TAFA5: variants seen among roughly 807,000 people sequenced by gnomAD.
The protein encoded by TAFA5 is chemokine-like protein TAFA-5.
Under a neutral mutation model 15.3 loss-of-function variants are expected in TAFA5, and 6 were observed. The observed-to-expected ratio is 0.39, with a 90% CI of 0.21 to 0.77. The LOEUF (loss-of-function observed/expected upper bound fraction) is 0.77. TAFA5 is among the 30% of genes least tolerant of loss of function. The pLI is 0.41. For missense variants in TAFA5, 161 were observed against 193.1 expected, an observed-to-expected ratio of 0.83 and a Z score of 0.98; for synonymous variants, 103 against 80.7, an observed-to-expected ratio of 1.28 and a Z score of -1.48.
rs141943386 is a variant in TAFA5, at chr22:48,677,776, G to A, written c.263-29941G>A. 2.2e-3 allele frequency among the ~76,000 whole-genome samples: 337 copies of A among 152,246 alleles called. 1 individual carries two copies. Among genetic ancestry groups the A allele is most frequent in the African/African-American group, 7.3e-3 (304 of 41,554 alleles). On this transcript the variant is annotated intron_variant, in intron 2 of 3. Transcript: ENST00000402357. ...GAGAGTCAGGTCGGGCGGGCGTGGC[G>A]TCCCCCTCCTGGATGACAGGCCACC... is the stretch of plus-strand genomic sequence containing the variant.
intron 3 of TAFA5, among the ~76,000 whole-genome samples, chr22:48,732,534 C>T (rs1929897888): frequency 1.3e-5 from 2 of 152,156 alleles, no homozygotes; most frequent in South Asian, 2.1e-4. Flanking sequence ...GGATTACAGG[C>T]GTGAGCCACC....
intron 2 of TAFA5, among the ~76,000 whole-genome samples, chr22:48,703,136 A>G (rs1361280599): frequency 6.6e-6 from 1 of 152,014 alleles, no homozygotes; most frequent in Non-Finnish European, 1.5e-5. Flanking sequence ...GTGAGCATGC[A>G]TGTAAATGGG....
At chr22:48,556,744 G>A (rs16999430) in intron 1 of TAFA5, among the ~76,000 whole-genome samples, 2,486 of 152,266 alleles carry the variant, frequency 0.016, 74 homozygotes, top group African/African-American at 0.058. Flanking sequence ...GGGTCCCCTC[G>A]AGGCTGTTCT....
rs1389390631 is a variant in TAFA5, at chr22:48,624,629, CT to C, written c.113-21967del. Among the ~76,000 whole-genome samples, 9 of 152,212 alleles carry C rather than the reference CT, an allele frequency of 5.9e-5. No homozygotes were observed. The South Asian group carries it at 1.0e-3, about 17-fold the overall frequency. ...TTAGCTCTGGCCATGGGCGCTCCCC[CT>C]GGCACTCGTGGGCTCCGTTGGCACA... On this transcript the variant is annotated intron_variant, in intron 1 of 3. Transcript: ENST00000402357.
chr22:48,506,303 C>A (rs955068275), intron 1 of TAFA5, among the ~76,000 whole-genome samples: 1 of 152,242 alleles, frequency 6.6e-6, no homozygotes, highest in Admixed American at 6.5e-5. Flanking sequence ...CTTTTCCCAG[C>A]CGGGAACATG....
intron 1 of TAFA5, among the ~76,000 whole-genome samples, chr22:48,606,731 G>A (rs554012730): frequency 4.6e-5 from 7 of 152,188 alleles, no homozygotes; most frequent in South Asian, 2.1e-4. Flanking sequence ...TAGGAGTGCC[G>A]CGTGTTTCCC....
At chr22:48,658,718 C>T (rs1428246108) in intron 2 of TAFA5, among the ~76,000 whole-genome samples, 1 of 152,244 alleles carries the variant, frequency 6.6e-6, no homozygotes, top group East Asian at 1.9e-4. Context: ...TTCAGTGCTG[C>T]AGAGAACGTC....
chr22:48,533,289 A>G (rs1922035581), intron 1 of TAFA5, among the ~76,000 whole-genome samples: 1 of 152,174 alleles, frequency 6.6e-6, no homozygotes, highest in South Asian at 2.1e-4. Context: ...GGAGGGGTGC[A>G]GCCGTCAAAC....
At chr22:48,564,214 C>A (rs920610024) in intron 1 of TAFA5, among the ~76,000 whole-genome samples, 2 of 152,218 alleles carry the variant, frequency 1.3e-5, no homozygotes, top group African/African-American at 2.4e-5. Flanking sequence ...CGTTACTCAG[C>A]GCCCGCAGCC....
rs747488690 is a variant in TAFA5, at chr22:48,646,772, C to G, written c.262+26C>G. 9.7e-6 allele frequency: 15 copies of G among 1,547,218 alleles called. No homozygotes were observed. In the East Asian group the frequency reaches 3.1e-4, roughly 32 times the overall value. ...GTAAGCACCCGTGGCCCCAGGACCC[C>G]TCCGGGTGCTGAGCGCGGCGTCACC... On this transcript the variant is annotated intron_variant, in intron 2 of 3. Transcript: ENST00000402357.
intron 2 of TAFA5, among the ~76,000 whole-genome samples, chr22:48,699,462 G>A (rs1474967496): frequency 1.3e-5 from 2 of 152,156 alleles, no homozygotes; most frequent in Non-Finnish European, 2.9e-5. Context: ...CGGTGACAGG[G>A]CACTGGCAGT....
At chr22:48,578,764 T>G (rs1398264640) in intron 1 of TAFA5, among the ~76,000 whole-genome samples, 2 of 152,164 alleles carry the variant, frequency 1.3e-5, no homozygotes, top group Non-Finnish European at 2.9e-5. Context: ...GGTCAGGACT[T>G]GGGCAGCCTC....
chr22:48,693,990 C>T (rs900447558), intron 2 of TAFA5, among the ~76,000 whole-genome samples: 9 of 152,178 alleles, frequency 5.9e-5, no homozygotes, highest in African/African-American at 1.7e-4. Flanking sequence ...ACTGGGCTGT[C>T]GGCTTCTCCT....
rs776142296 is a variant in TAFA5, at chr22:48,693,416, C to A, written c.263-14301C>A. On this transcript the variant is annotated intron_variant, in intron 2 of 3. Transcript: ENST00000402357. Reference sequence around the variant, plus strand: ...AGATCCGTGCGCGTCATAGTGCAGCCCGTGCAGGCAGTAAAGGAGGGACTG... The same window carrying A: ...AGATCCGTGCGCGTCATAGTGCAGCACGTGCAGGCAGTAAAGGAGGGACTG... The A allele has an allele frequency of 1.2e-5, 20 of 1,611,684 alleles. No homozygotes were observed. The South Asian group carries it at 1.3e-4, about 11-fold the overall frequency.
chr22:48,495,482 C>G (rs1380669035), intron 1 of TAFA5, among the ~76,000 whole-genome samples: 1 of 152,134 alleles, frequency 6.6e-6, no homozygotes, highest in Non-Finnish European at 1.5e-5. Context: ...CTCAGAATGT[C>G]AGGGACCTCC....
intron 3 of TAFA5, among the ~76,000 whole-genome samples, chr22:48,710,276 TG>T (rs2147253183): frequency 6.6e-6 from 1 of 152,332 alleles, no homozygotes; most frequent in East Asian, 1.9e-4. Context: ...GACACAGATG[TG>T]GCCTGTCCCC....
Position 48,550,762 on chromosome 22 carries a change from G to C in TAFA5, c.112+61058G>C, listed in dbSNP as rs530440598. 2.6e-5 allele frequency among the ~76,000 whole-genome samples: 4 copies of C among 152,124 alleles called. No homozygotes were observed. The highest frequency in any genetic ancestry group is 5.9e-5 in the Non-Finnish European group (4 of 67,986). On this transcript the variant is annotated intron_variant, in intron 1 of 3. Coordinates refer to ENST00000402357, the MANE Select transcript of TAFA5 (RefSeq NM_001082967.3). The surrounding 1 kb of genome is among the most constrained non-coding windows in gnomAD (Gnocchi z 4.1). The stretch of plus-strand genomic sequence containing the variant: ...TCCAGGGCCCCCTACTCTGATCCAC[G>C]GGTGTCTGGGCTCCAGAAAGCTTTC...
rs112052292 is a variant in TAFA5, at chr22:48,638,074, G to C, written c.113-8523G>C. ...ACACCTTGAGATTCTCAGTGGCGAAGAGCACTCACCTGCGGGTATCGGGGG... is the reference window on the plus strand; with the variant it reads ...ACACCTTGAGATTCTCAGTGGCGAACAGCACTCACCTGCGGGTATCGGGGG... On this transcript the variant is annotated intron_variant, in intron 1 of 3. Coordinates refer to ENST00000402357, the MANE Select transcript of TAFA5 (RefSeq NM_001082967.3). Among the ~76,000 whole-genome samples the C allele has an allele frequency of 3.5e-3, 536 of 152,198 alleles. 3 individuals are homozygous for C. The highest frequency in any genetic ancestry group is 4.2e-3 in the Non-Finnish European group (286 of 67,978).
At chr22:48,727,056 C>T (rs1378853382) in intron 3 of TAFA5, among the ~76,000 whole-genome samples, 1 of 152,108 alleles carries the variant, frequency 6.6e-6, no homozygotes, top group Non-Finnish European at 1.5e-5. Flanking sequence ...ACCTACATAC[C>T]TTTCCTGAAC....
Sources: allele counts gnomAD v4.1 joint callset (sites outside exome capture counted in the v4.1 genomes callset), GRCh38; gene constraint gnomAD v4.1.1; non-coding constraint Gnocchi (gnomAD v3.1); transcripts MANE v1.5; gene names NCBI Gene and HGNC (gene_info 2026-07-23, HGNC 2026-07-21).